Variants in IL1R1 observed in about 807,000 individuals in gnomAD.
IL1R1 encodes interleukin 1 receptor type 1.
A neutral mutation model predicts 50.2 loss-of-function variants in IL1R1; 22 were observed. The ratio of observed to expected loss-of-function variants is 0.44; its 90% CI spans 0.31 to 0.63. IL1R1 has a LOEUF of 0.63. Among genes scored for constraint, IL1R1 ranks in the 20% least tolerant of loss-of-function variants. The probability of loss-of-function intolerance (pLI) is 0.07; values close to 1 mark genes in which losing one functional copy is unlikely to be tolerated. For missense variants in IL1R1, 509 were observed against 676.2 expected (o/e 0.75, Z 2.74); for synonymous variants, 251 against 236.7 (o/e 1.06, Z -0.55).
At chr2:102,137,981 T>C (rs528400939), upstream of IL1R1, among the ~76,000 whole-genome samples, 9 of 152,228 alleles carry the variant, frequency 5.9e-5, no homozygotes, top group African/African-American at 1.9e-4. Context: ...CCAAAGATGG[T>C]GGGACTGTGT....
intron 1 of IL1R1, among the ~76,000 whole-genome samples, chr2:102,098,943 A>G (rs1372933614): frequency 1.3e-5 from 2 of 152,250 alleles, no homozygotes; most frequent in African/African-American, 4.8e-5. Flanking sequence ...GTTTAACTGC[A>G]CAATAAGTCA....
chr2:102,101,372 C>T (rs1018229219), upstream of IL1R1, among the ~76,000 whole-genome samples: 1 of 152,186 alleles, frequency 6.6e-6, no homozygotes, highest in African/African-American at 2.4e-5. Flanking sequence ...GTTGGTGTCT[C>T]TCTAATTATA....
chr2:102,151,611 C>T (rs1683658334), intron 1 of IL1R1, among the ~76,000 whole-genome samples: 2 of 152,336 alleles, frequency 1.3e-5, no homozygotes, highest in South Asian at 2.1e-4. Flanking sequence ...AACTAGGGAG[C>T]TACCCAATGT....
intron 1 of IL1R1, among the ~76,000 whole-genome samples, chr2:102,153,476 T>C (rs907940780): frequency 1.1e-4 from 16 of 152,210 alleles, no homozygotes; most frequent in Non-Finnish European, 2.4e-4. Flanking sequence ...TTCATGATCA[T>C]TTAAATGTCA....
upstream of IL1R1, among the ~76,000 whole-genome samples, chr2:102,138,133 C>A (rs1189648870): frequency 1.3e-5 from 2 of 152,088 alleles, no homozygotes; most frequent in Non-Finnish European, 2.9e-5. Context: ...TTTGGGTGAC[C>A]ATAGACAGTT....
intron 2 of IL1R1, among the ~76,000 whole-genome samples, chr2:102,155,082 A>G (rs1337833396): frequency 1.3e-5 from 2 of 152,238 alleles, no homozygotes; most frequent in African/African-American, 4.8e-5. Flanking sequence ...CCAGAGCCAA[A>G]TAGATATTTG....
chr2:102,176,534 C>CTA lies in IL1R1; in HGVS notation c.1487_1488dup (p.Glu497MetfsTer84). 1.9e-6 allele frequency: 3 copies of CTA among 1,614,160 alleles called. No individual in the cohort carries two copies. On this transcript the variant is annotated frameshift_variant, in exon 12 of 12. Coordinates refer to ENST00000410023, the MANE Select transcript of IL1R1 (RefSeq NM_000877.4). LOFTEE classifies it low-confidence loss of function (END_TRUNC). The stretch of plus-strand genomic sequence containing the variant: ...TGCTTGAGCTGGAGAAAATCCAAGA[C>CTA]TATGAGAAAATGCCAGAATCGATTA...
Position 102,176,700 on chromosome 2 carries a change from T to C in IL1R1, c.1651T>C (p.Leu551=). ...ACGGTCACCTTCATCTAAACACCAG[T>C]TACTGTCACCAGCCACTAAGGAGAA... ...QRRSPSSKHQ[L]LSPATKEKLQ... The change falls in exon 12 of 12, where the codon TTA becomes CTA. Residue 551 remains leucine, a synonymous_variant. Transcript: ENST00000410023. 1.2e-6 allele frequency: 2 copies of C among 1,614,192 alleles called. No individual in the cohort carries two copies. Among genetic ancestry groups the C allele is most frequent in the Non-Finnish European group, 1.7e-6 (2 of 1,180,034 alleles).
At chr2:102,099,554 T>C (rs1486477419) in intron 1 of IL1R1, among the ~76,000 whole-genome samples, 1 of 152,186 alleles carries the variant, frequency 6.6e-6, no homozygotes, top group Non-Finnish European at 1.5e-5. Context: ...TCTAAGGGCC[T>C]GTGGGAGAGC....
At chr2:102,087,685 C>T (rs13393026) in intron 1 of IL1R1, among the ~76,000 whole-genome samples, 3,052 of 152,224 alleles carry the variant, frequency 0.02, 119 homozygotes, top group African/African-American at 0.069. Context: ...CTCCTGCCAC[C>T]GTGTAAGACG....
chr2:102,104,818 C>T (rs1177831890), exon 1 of IL1R1: 1 of 152,214 alleles, frequency 6.6e-6, no homozygotes, highest in Non-Finnish European at 1.5e-5. Context: ...CGACATTCTC[C>T]ACCTCCTGGG....
At chr2:102,134,902 C>G (rs1444991136) in intron 1 of IL1R1, among the ~76,000 whole-genome samples, 1 of 152,138 alleles carries the variant, frequency 6.6e-6, no homozygotes, top group East Asian at 1.9e-4. Context: ...ATACCTACAC[C>G]TGTTTTTCAC....
chr2:102,122,442 T>C (rs543459945), intron 1 of IL1R1, among the ~76,000 whole-genome samples: 16 of 152,152 alleles, frequency 1.1e-4, no homozygotes, highest in Non-Finnish European at 2.1e-4. Flanking sequence ...CACAGAATAA[T>C]GAGTGAGTGG....
chr2:102,088,660 T>C (rs1027397796), intron 1 of IL1R1, among the ~76,000 whole-genome samples: 2 of 152,248 alleles, frequency 1.3e-5, no homozygotes, highest in African/African-American at 2.4e-5. Context: ...AAACCAGACG[T>C]TGACTTCTTT....
chr2:102,118,077 A>C (rs987330381), intron 1 of IL1R1, among the ~76,000 whole-genome samples: 1 of 152,034 alleles, frequency 6.6e-6, no homozygotes, highest in African/African-American at 2.4e-5. Context: ...GGGTGATGGG[A>C]GTCTTTTGTT....
At chr2:102,081,085 A>G (rs10181425) in intron 1 of IL1R1, among the ~76,000 whole-genome samples, 35,316 of 152,032 alleles carry the variant, frequency 0.23, 4,595 homozygotes, top group East Asian at 0.53. Context: ...ATTGCTAATG[A>G]GTATGAAGTT....
At chr2:102,096,104 T>C (rs926495883) in intron 1 of IL1R1, among the ~76,000 whole-genome samples, 1 of 152,252 alleles carries the variant, frequency 6.6e-6, no homozygotes, top group African/African-American at 2.4e-5. Context: ...GTAGCACAAC[T>C]TAGTTTTCAC....
Position 102,167,511 on chromosome 2 carries a change from G to A in IL1R1, c.656-1087G>A, listed in dbSNP as rs544231225. Among the ~76,000 whole-genome samples the A allele has an allele frequency of 2.3e-4, 32 of 136,788 alleles. No individual in the cohort carries two copies. In the South Asian group the frequency reaches 7.2e-3, roughly 31 times the overall value. The allele number at this position is 136,788 out of a possible 152,430, so 89.7% of individuals were successfully genotyped here. On this transcript the variant is annotated intron_variant, in intron 6 of 11. Transcript: ENST00000410023. ...CACCCAGGCTGGAGTGCAGTGGTGCGATCTCCGCTCACTGCAAGCTCTGCC... is the reference window on the plus strand; with the variant it reads ...CACCCAGGCTGGAGTGCAGTGGTGCAATCTCCGCTCACTGCAAGCTCTGCC...
chr2:102,123,524 C>T (rs1681516026), intron 1 of IL1R1, among the ~76,000 whole-genome samples: 1 of 152,070 alleles, frequency 6.6e-6, no homozygotes, highest in Admixed American at 6.5e-5. Context: ...ACTTGTAATC[C>T]CAGCACTTTG....
Sources: allele counts gnomAD v4.1 joint callset (sites outside exome capture counted in the v4.1 genomes callset), GRCh38; gene constraint gnomAD v4.1.1; transcripts MANE v1.5; gene names NCBI Gene and HGNC (gene_info 2026-07-23, HGNC 2026-07-21).